Variants in KIAA1671 observed in about 807,000 individuals in gnomAD.
KIAA1671 encodes KIAA1671.
A neutral mutation model predicts 131.2 loss-of-function variants in KIAA1671; 52 were observed. The ratio of observed to expected loss-of-function variants is 0.40; its 90% confidence interval spans 0.32 to 0.50. The LOEUF is 0.50. Ranked by LOEUF, KIAA1671 falls within the 20% of genes least tolerant of loss-of-function variation. The pLI, the probability that KIAA1671 is intolerant of heterozygous loss-of-function variation, is 0.73. For missense variants in KIAA1671, 2,360 were observed against 2,364.2 expected, an observed-to-expected ratio of 1.00 and a Z score of 0.04; for synonymous variants, 1,003 against 961.6, an observed-to-expected ratio of 1.04 and a Z score of -0.80.
At chr22:25,019,057 T>C (rs886621788) in intron 1 of KIAA1671, among the ~76,000 whole-genome samples, 170 of 132,386 alleles carry the variant, frequency 1.3e-3, no homozygotes, top group African/African-American at 4.7e-3. Context: ...GTTTTGTGTG[T>C]GTGTGTGTGT....
At chr22:25,008,155 G>A (rs1451203739) in intron 1 of KIAA1671, among the ~76,000 whole-genome samples, 8 of 140,846 alleles carry the variant, frequency 5.7e-5, no homozygotes, top group African/African-American at 1.1e-4. Flanking sequence ...CTGGGATCGC[G>A]CCACTGCACT....
chr22:24,984,591 C>A (rs1402892531), intron 1 of KIAA1671, among the ~76,000 whole-genome samples: 1 of 152,112 alleles, frequency 6.6e-6, no homozygotes, highest in Non-Finnish European at 1.5e-5. Flanking sequence ...GGAATTAATT[C>A]CCTTATATGT....
At chr22:25,137,785 T>C (rs1264133900) in intron 6 of KIAA1671, among the ~76,000 whole-genome samples, 1 of 152,220 alleles carries the variant, frequency 6.6e-6, no homozygotes, top group Non-Finnish European at 1.5e-5. Flanking sequence ...GGAGAGTTTG[T>C]CCTCCTGCCA....
In KIAA1671 at chr22:25,192,556, G is replaced by C. The variant is rs1048822078; in HGVS notation, c.*155G>C. 6.6e-6 allele frequency: 1 copy of C among 152,212 alleles called. No homozygotes were observed. The highest frequency in any genetic ancestry group is 2.4e-5 in the African/African-American group (1 of 41,440). 9.4% of individuals were successfully genotyped at this position (152,212 alleles called of 1,614,324 possible). A position where few individuals can be genotyped will look rare whatever the true frequency, so the allele number is the denominator to read the frequency against. ...AACGCTATCCAGTGCCCCTGTCCTC[G>C]CCAGGCTCTCCCTGGATCCAGACGG... On this transcript the variant is annotated 3_prime_UTR_variant, in exon 13 of 13. Transcript: ENST00000358431.
chr22:25,152,083 G>A lies in KIAA1671; in HGVS notation c.4531-18737G>A, dbSNP rs76661897. Among the ~76,000 whole-genome samples the A allele has an allele frequency of 7.7e-3, 1,179 of 152,290 alleles. 21 individuals carry two copies. The highest frequency in any genetic ancestry group is 0.027 in the African/African-American group (1,135 of 41,542). On this transcript the variant is annotated intron_variant, in intron 6 of 12. Transcript: ENST00000358431. Reference sequence around the variant, plus strand: ...CTGTGTCAGTGAATATAGACCAGCAGCCTCATTTTCAGTAGCTGCGCTATA... The same window carrying A: ...CTGTGTCAGTGAATATAGACCAGCAACCTCATTTTCAGTAGCTGCGCTATA...
chr22:25,049,480 C>A, intron 6 of KIAA1671, 116 bp downstream of exon 6: 1 of 1,165,588 alleles, frequency 8.6e-7, no homozygotes, highest in Non-Finnish European at 1.2e-6. Context: ...GGGTTGAGGG[C>A]AGCAGGCAAC....
At chr22:25,042,817 G>T (rs1453771465) in intron 5 of KIAA1671, among the ~76,000 whole-genome samples, 7 of 152,064 alleles carry the variant, frequency 4.6e-5, no homozygotes, top group African/African-American at 1.4e-4. Flanking sequence ...AACCAGTAGG[G>T]GAGAGAAGAA....
intron 9 of KIAA1671, 81 bp from the exon 10 acceptor site, chr22:25,181,618 A>G (rs920937531): frequency 4.6e-6 from 7 of 1,510,764 alleles, no homozygotes; most frequent in Non-Finnish European, 6.3e-6. Context: ...TGCATGAGAT[A>G]CTGTGTGCAA....
At position 25,138,222 on chromosome 22, in the gene KIAA1671, A is replaced by T. The variant is rs144376166; in HGVS notation, c.4531-32598A>T. On this transcript the variant is annotated intron_variant, in intron 6 of 12. Coordinates refer to ENST00000358431, the MANE Select transcript of KIAA1671 (RefSeq NM_001145206.2). ...ATCTTTACTCTGGTGGCCTAGGTTG[A>T]TGGAATAGGTTGCCTGTGGGAACAG... 3.2e-3 allele frequency among the ~76,000 whole-genome samples: 491 copies of T among 152,222 alleles called. 2 individuals carry two copies. Among genetic ancestry groups the T allele is most frequent in the African/African-American group, 0.011 (472 of 41,540 alleles).
intron 7 of KIAA1671, among the ~76,000 whole-genome samples, chr22:25,173,809 G>A (rs145207758): frequency 2.0e-5 from 3 of 152,274 alleles, no homozygotes; most frequent in African/African-American, 7.2e-5. Context: ...TTATTAGCGA[G>A]GCAGTTTACA....
At chr22:25,156,090 C>T (rs1315093045) in intron 6 of KIAA1671, among the ~76,000 whole-genome samples, 9 of 122,354 alleles carry the variant, frequency 7.4e-5, no homozygotes, top group Non-Finnish European at 1.3e-4. Context: ...GGCGTGATCT[C>T]GGCTCACTGC....
chr22:25,057,643 ATTT>A (rs34386648), intron 6 of KIAA1671: 35 of 133,644 alleles, frequency 2.6e-4, no homozygotes, highest in Admixed American at 2.2e-4. Context: ...TCTGCTGGGC[ATTT>A]TTTTTTTTTT....
chr22:25,162,858 G>A (rs1933493281), intron 6 of KIAA1671, among the ~76,000 whole-genome samples: 1 of 152,180 alleles, frequency 6.6e-6, no homozygotes, highest in Non-Finnish European at 1.5e-5. Context: ...GACCCACAAA[G>A]CCCAAAATAT....
At chr22:25,002,635 A>G (rs1438846483) in intron 1 of KIAA1671, among the ~76,000 whole-genome samples, 3 of 152,114 alleles carry the variant, frequency 2.0e-5, no homozygotes, top group African/African-American at 7.2e-5. Flanking sequence ...ATGTTCTTAG[A>G]CCACTTTCTG....
chr22:25,097,264 C>A (rs1930434819), intron 6 of KIAA1671, among the ~76,000 whole-genome samples: 1 of 152,168 alleles, frequency 6.6e-6, no homozygotes, highest in Non-Finnish European at 1.5e-5. Flanking sequence ...GCTCCACATC[C>A]TCACCATTGT....
intron 6 of KIAA1671, among the ~76,000 whole-genome samples, chr22:25,141,077 G>A (rs1282649407): frequency 6.6e-6 from 1 of 152,146 alleles, no homozygotes; most frequent in Non-Finnish European, 1.5e-5. Flanking sequence ...AGCCTACTGG[G>A]AGAACCAGAC....
intron 6 of KIAA1671, among the ~76,000 whole-genome samples, chr22:25,120,620 T>C (rs181289165): frequency 2.0e-3 from 304 of 152,266 alleles, no homozygotes; most frequent in Middle Eastern, 6.8e-3. Context: ...TTGGAACATA[T>C]AGAAAAATGT....
intron 6 of KIAA1671, among the ~76,000 whole-genome samples, chr22:25,067,898 G>A (rs904315868): frequency 1.3e-5 from 2 of 152,254 alleles, no homozygotes; most frequent in Non-Finnish European, 1.5e-5. Context: ...CCCTCAGTTA[G>A]CGGGGCCTAA....
intron 6 of KIAA1671, among the ~76,000 whole-genome samples, chr22:25,116,429 A>G (rs1444368797): frequency 2.1e-5 from 3 of 146,036 alleles, no homozygotes. Context: ...GTATGTATGT[A>G]TGTACGTATT....
Sources: gnomAD v4.1 joint callset for allele counts (sites outside exome capture counted in the v4.1 genomes callset) on GRCh38, gnomAD v4.1.1 for gene constraint, MANE v1.5 for transcripts, NCBI Gene and HGNC (gene_info 2026-07-23, HGNC 2026-07-21) for gene names.